Variants in SEMA3F observed in about 807,000 individuals in gnomAD.
SEMA3F encodes semaphorin 3F.
In SEMA3F, 30 loss-of-function variants were observed where a neutral mutation model predicts 98.5. The observed-to-expected ratio is 0.30, with a 90% CI of 0.23 to 0.41. The LOEUF is 0.41. Among genes scored for constraint, SEMA3F ranks in the 10% least tolerant of loss-of-function variants. The pLI, the probability that SEMA3F is intolerant of heterozygous loss-of-function variation, is 1.00. For synonymous variants in SEMA3F, 380 were observed against 444.8 expected, an observed-to-expected ratio of 0.85 and a Z score of 1.83; for missense variants, 866 against 1,119.3, an observed-to-expected ratio of 0.77 and a Z score of 3.23.
Position 50,187,902 on chromosome 3 carries a change from G to A in SEMA3F, c.2145G>A (p.Pro715=), listed in dbSNP as rs141979489. The change falls in exon 19 of 19, where the codon CCG becomes CCA. Residue 715 remains proline (P), a synonymous_variant. Transcript: ENST00000002829. ...ALFPPLSMSA[P]PPPGAGPPTP... ...TCCCACCACTGTCCATGAGCGCCCC[G>A]CCACCCCCAGGCGCAGGCCCCCCAA... is the stretch of plus-strand genomic sequence containing the variant. 53 of 1,606,758 alleles carry A rather than the reference G, an allele frequency of 3.3e-5. No homozygotes were observed. Among genetic ancestry groups the A allele is most frequent in the South Asian group, 1.1e-4 (10 of 90,656 alleles).
chr3:50,161,110 G>A (rs1698189818), intron 2 of SEMA3F, among the ~76,000 whole-genome samples: 1 of 150,756 alleles, frequency 6.6e-6, no homozygotes, highest in Non-Finnish European at 1.5e-5. Context: ...CCCCAGCCCA[G>A]GGTCTGGCAG....
chr3:50,180,975 G>A (rs775158299), intron 7 of SEMA3F, among the ~76,000 whole-genome samples: 1 of 151,906 alleles, frequency 6.6e-6, no homozygotes, highest in Non-Finnish European at 1.5e-5. Flanking sequence ...GCTGAGGCAA[G>A]AGAGTTGCTT....
At position 50,187,936 on chromosome 3, in the gene SEMA3F, T is replaced by TA; in HGVS notation, c.2180dup (p.Tyr727Ter). Reference sequence around the variant, plus strand: ...AGGCGCAGGCCCCCCAACGCCTCCTTACCAGGAGTTAGCCCAGCTGCTGGC... The same window carrying TA: ...AGGCGCAGGCCCCCCAACGCCTCCTTAACCAGGAGTTAGCCCAGCTGCTGGC... Reference protein sequence around the residue: ...PPGAGPPTPPYQELAQLLAQP... With the variant: ...PPGAGPPTPP The change falls in exon 19 of 19, where the codon TAC (tyrosine) becomes TAAC (stop). Residue 727 changes from tyrosine (Y) to a stop codon, truncating the protein, a stop_gained and frameshift_variant. Transcript: ENST00000002829. LOFTEE classifies it high-confidence loss of function. 6.2e-7 allele frequency: 1 copy of TA among 1,608,792 alleles called. No homozygotes were observed. The highest frequency in any genetic ancestry group is 8.5e-7 in the Non-Finnish European group (1 of 1,177,790).
intron 7 of SEMA3F, among the ~76,000 whole-genome samples, chr3:50,178,197 G>A (rs1373469555): frequency 6.6e-6 from 1 of 151,928 alleles, no homozygotes; most frequent in African/African-American, 2.4e-5. Context: ...AGCTGAGATC[G>A]TGCCACTGCA....
At chr3:50,174,015 T>A in intron 3 of SEMA3F, 37 bp from the exon 4 acceptor site, 1 of 1,613,902 alleles carries the variant, frequency 6.2e-7, no homozygotes, top group Non-Finnish European at 8.5e-7. Flanking sequence ...TCAGGGCATG[T>A]CCAGAAGGCT....
At chr3:50,176,648 G>T (rs564562619) in intron 6 of SEMA3F, 120 bp from the exon 7 acceptor site, 4 of 729,696 alleles carry the variant, frequency 5.5e-6, no homozygotes, top group African/African-American at 3.4e-5. Context: ...GCTGGGGAGT[G>T]TAGGGGGTGG....
Position 50,183,198 on chromosome 3 carries a change from T to G in SEMA3F, c.1031T>G (p.Val344Gly). ...THFDELQDVF[V>G]QQTQDVRNPV... The stretch of plus-strand genomic sequence containing the variant: ...CCTCTGTCCCCAGAGGACGTGTTTG[T>G]CCAGCAGACCCAGGACGTGAGGAAC... The change falls in exon 11 of 19, where the codon GTC (valine) becomes GGC (glycine). Residue 344 changes from valine to glycine, a missense_variant. Around this residue, in one of 3 missense-constraint regions of SEMA3F, gnomAD observed 374 missense variants for 582.8 expected, o/e 0.64. Transcript: ENST00000002829. 6.2e-7 allele frequency: 1 copy of G among 1,614,142 alleles called. No homozygotes were observed. The highest frequency in any genetic ancestry group is 8.5e-7 in the Non-Finnish European group (1 of 1,180,020).
intron 13 of SEMA3F, among the ~76,000 whole-genome samples, chr3:50,185,068 G>C (rs964720612): frequency 8.5e-5 from 13 of 152,182 alleles, no homozygotes; most frequent in Admixed American, 2.0e-4. Context: ...ATGTATGTAT[G>C]GCAGGAAAGG....
In SEMA3F at chr3:50,158,492, A is replaced by C. The variant is rs988865360; in HGVS notation, c.-48-1083A>C. Among the ~76,000 whole-genome samples, 3 of 152,322 alleles carry C rather than the reference A, an allele frequency of 2.0e-5. No homozygotes were observed. The South Asian group carries it at 6.2e-4, about 32-fold the overall frequency. ...ACTGGAGCCTGGGCTTTGCCTCAGC[A>C]TTGAGCAGCTATGGCAGGGGAGTCC... On this transcript the variant is annotated intron_variant, in intron 1 of 18. Transcript: ENST00000002829. The surrounding 1 kb of genome is among the most constrained non-coding windows in gnomAD (Gnocchi z 4.8).
intron 2 of SEMA3F, among the ~76,000 whole-genome samples, chr3:50,165,690 G>T (rs1185535038): frequency 2.0e-5 from 3 of 152,260 alleles, no homozygotes; most frequent in Non-Finnish European, 4.4e-5. Context: ...AATAGCAAGA[G>T]GGCCTTTGCC....
chr3:50,186,049 G>A lies in SEMA3F; in HGVS notation c.1745+3G>A, dbSNP rs1699198900. ...CGCTATACAGCATCCTCCAAGAGGT[G>A]TGGACCCCTAGACACCTAGAATTTT... On this transcript the variant is annotated splice_donor_region_variant and intron_variant, in intron 16 of 18. Transcript: ENST00000002829. The A allele has an allele frequency of 6.2e-7, 1 of 1,605,900 alleles. No individual in the cohort carries two copies.
chr3:50,183,104 C>A, intron 10 of SEMA3F, 82 bp from the exon 11 acceptor site: 1 of 1,560,990 alleles, frequency 6.4e-7, no homozygotes, highest in Non-Finnish European at 8.8e-7. Flanking sequence ...CTTTGGTGGG[C>A]CCCCTCCCCT....
At chr3:50,161,255 G>T (rs1419165672) in intron 2 of SEMA3F, among the ~76,000 whole-genome samples, 1 of 152,186 alleles carries the variant, frequency 6.6e-6, no homozygotes, top group Non-Finnish European at 1.5e-5. Flanking sequence ...GCAAAACAGA[G>T]AGGGGTCTTC....
At chr3:50,178,411 G>T (rs757724738) in intron 7 of SEMA3F, among the ~76,000 whole-genome samples, 3 of 151,916 alleles carry the variant, frequency 2.0e-5, no homozygotes, top group Non-Finnish European at 1.5e-5. Flanking sequence ...TTTTTTCTGA[G>T]CAGTGGGTTT....
intron 2 of SEMA3F, among the ~76,000 whole-genome samples, chr3:50,169,851 T>A (rs1280676316): frequency 6.6e-6 from 1 of 152,184 alleles, no homozygotes; most frequent in African/African-American, 2.4e-5. Context: ...TCCCTGTCCC[T>A]TAAGGGAGCT....
At chr3:50,169,540 G>T (rs1337469663) in intron 2 of SEMA3F, among the ~76,000 whole-genome samples, 1 of 152,158 alleles carries the variant, frequency 6.6e-6, no homozygotes, top group Non-Finnish European at 1.5e-5. Flanking sequence ...AGAGTATGGG[G>T]GTGGGGAGCC....
intron 14 of SEMA3F, 58 bp downstream of exon 14, chr3:50,185,589 G>T (rs1334436522): frequency 1.3e-5 from 21 of 1,612,422 alleles, no homozygotes; most frequent in Non-Finnish European, 1.8e-5. Context: ...CCCAGTCCCA[G>T]CCTCTGACCT....
chr3:50,177,378 G>A (rs1479396620), intron 7 of SEMA3F, among the ~76,000 whole-genome samples: 2 of 152,164 alleles, frequency 1.3e-5, no homozygotes, highest in Non-Finnish European at 2.9e-5. Flanking sequence ...GGGTCCTGCC[G>A]GGGTCTCAGG....
intron 7 of SEMA3F, among the ~76,000 whole-genome samples, chr3:50,180,434 G>C (rs548448588): frequency 6.6e-6 from 1 of 152,336 alleles, no homozygotes; most frequent in South Asian, 2.1e-4. Context: ...AGGATTACAG[G>C]CATGAGCCAC....
Sources: gnomAD v4.1 joint callset for allele counts (sites outside exome capture counted in the v4.1 genomes callset) on GRCh38, gnomAD v4.1.1 for gene constraint, gnomAD v4.1.1 regional missense constraint, Gnocchi (gnomAD v3.1) non-coding constraint, MANE v1.5 for transcripts, NCBI Gene and HGNC (gene_info 2026-07-23, HGNC 2026-07-21) for gene names.